Variants in PTBP3 observed in about 807,000 individuals in gnomAD.
PTBP3 encodes the protein polypyrimidine tract binding protein 3.
A neutral mutation model predicts 58.7 loss-of-function variants in PTBP3; 20 were observed. That is an observed-to-expected ratio of 0.34 (90% CI 0.24 to 0.50). PTBP3 has a LOEUF of 0.50. Ranked by LOEUF, PTBP3 falls within the 20% of genes least tolerant of loss-of-function variation. The probability of loss-of-function intolerance (pLI) is 0.98; values close to 1 mark genes in which losing one functional copy is unlikely to be tolerated. For synonymous variants in PTBP3, 185 were observed against 219.8 expected, an observed-to-expected ratio of 0.84 and a Z score of 1.40; for missense variants, 509 against 637.2, an observed-to-expected ratio of 0.80 and a Z score of 2.17.
At position 112,227,608 on chromosome 9, in the gene PTBP3, A is replaced by C. The variant is rs770444394; in HGVS notation, c.1167T>G (p.Gly389=). Residue 389 remains glycine, a synonymous_variant, in exon 12 of 14, where the codon GGT becomes GGG. Transcript: ENST00000374257. ...QAQLAMNHLS[G]QRLYGKVLRA... ...GAAGCACTTTCCCATAAAGTCTCTGACCACTTAGATGGTTCATTGCTAGTG... is the reference window on the plus strand; with the variant it reads ...GAAGCACTTTCCCATAAAGTCTCTGCCCACTTAGATGGTTCATTGCTAGTG... The C allele has an allele frequency of 6.2e-6, 10 of 1,613,760 alleles. No individual in the cohort carries two copies. The South Asian group carries it at 6.6e-5, about 11-fold the overall frequency.
Position 112,333,574 on chromosome 9 carries a change from G to A in PTBP3, c.-156C>T, listed in dbSNP as rs2132508117. ...GCAGGGCGGTTCCGGGGACAAGCGA[G>A]CTTTGGCTCTGCGGAGCCCCGGCCG... is the stretch of plus-strand genomic sequence containing the variant. On this transcript the variant is annotated 5_prime_UTR_variant, in exon 1 of 14. Transcript: ENST00000374257. 6.9e-7 allele frequency: 1 copy of A among 1,449,928 alleles called. No individual in the cohort carries two copies. The highest frequency in any genetic ancestry group is 9.5e-7 in the Non-Finnish European group (1 of 1,053,700). The allele number at this position is 1,449,928 out of a possible 1,614,324, so 89.8% of individuals were successfully genotyped here.
intron 2 of PTBP3, among the ~76,000 whole-genome samples, chr9:112,278,249 G>C (rs1486691622): frequency 6.6e-6 from 1 of 152,138 alleles, no homozygotes; most frequent in East Asian, 1.9e-4. Context: ...TACATGGATT[G>C]AGAATAACAA....
At chr9:112,261,492 GCA>G (rs1370565552) in intron 5 of PTBP3, among the ~76,000 whole-genome samples, 1 of 152,034 alleles carries the variant, frequency 6.6e-6, no homozygotes, top group East Asian at 1.9e-4. Flanking sequence ...ACATATACAA[GCA>G]CACACACACC....
rs530646188 is a variant in PTBP3 at position 112,277,117 on chromosome 9, G to A, written c.35-1104C>T. ...CTATATTTCGTATCCATCCATATCT[G>A]TGGCACAGAACTCAACTTGTTTACA... On this transcript the variant is annotated intron_variant, in intron 2 of 13. Coordinates refer to ENST00000374257, the MANE Select transcript of PTBP3 (RefSeq NM_001163788.4). Among the ~76,000 whole-genome samples, 5 of 152,158 alleles carry A rather than the reference G, an allele frequency of 3.3e-5. No homozygotes were observed. In the East Asian group the frequency reaches 9.7e-4, roughly 29 times the overall value.
rs763457466 is a variant in PTBP3 at position 112,228,451 on chromosome 9, C to T, written c.1076G>A (p.Arg359Gln). The change falls in exon 11 of 14, where the codon CGA (arginine) becomes CAA (glutamine). Residue 359 changes from arginine (R) to glutamine (Q), a missense_variant. Arg to Gln is a conservative substitution (Grantham distance 43). This residue lies in a region of PTBP3 where 135 missense variants were observed against 229.0 expected (regional missense o/e 0.59). Transcript: ENST00000374257. ...TTTCTTATTAAACATAATCTTCACTCGATGTACATCACCATAGACTCCTAA... is the reference window on the plus strand; with the variant it reads ...TTTCTTATTAAACATAATCTTCACTTGATGTACATCACCATAGACTCCTAA... ...ILFGVYGDVH[R>Q]VKIMFNKKEN... 2.5e-6 allele frequency: 4 copies of T among 1,604,830 alleles called. No individual in the cohort carries two copies. The highest frequency in any genetic ancestry group is 2.5e-6 in the Non-Finnish European group (3 of 1,176,842).
At chr9:112,262,623 AC>A in intron 4 of PTBP3, 24 bp from the exon 5 acceptor site, 1 of 1,527,544 alleles carries the variant, frequency 6.5e-7, no homozygotes. Context: ...CAAAATGAGA[AC>A]TTTTGATTAT....
At chr9:112,300,423 G>A (rs1828866205) in intron 1 of PTBP3, among the ~76,000 whole-genome samples, 1 of 152,164 alleles carries the variant, frequency 6.6e-6, no homozygotes, top group African/African-American at 2.4e-5. Context: ...AATGAACTAC[G>A]GCTCCACATA....
At chr9:112,373,231 C>G in the PTBP3 span, among the ~76,000 whole-genome samples, 1 of 152,102 alleles carries the variant, frequency 6.6e-6, no homozygotes, top group Non-Finnish European at 1.5e-5. Flanking sequence ...CACATGATCA[C>G]AAGGTCCCAC....
At chr9:112,346,541 T>G in the PTBP3 span, among the ~76,000 whole-genome samples, 113 of 152,282 alleles carry the variant, frequency 7.4e-4, no homozygotes, top group African/African-American at 2.7e-3. Flanking sequence ...TCTTCTTCAT[T>G]CCAAATACAG....
chr9:112,365,162 A>T, the PTBP3 span, among the ~76,000 whole-genome samples: 1 of 79,608 alleles, frequency 1.3e-5, no homozygotes, highest in Admixed American at 1.5e-4. Context: ...ATGTCTATCT[A>T]TCTATCTATG....
chr9:112,284,423 T>C (rs1285485795), intron 2 of PTBP3, among the ~76,000 whole-genome samples: 1 of 152,148 alleles, frequency 6.6e-6, no homozygotes, highest in East Asian at 1.9e-4. Context: ...TGGCTAGACA[T>C]GGTGGCTCAC....
chr9:112,320,313 TA>T (rs1270805883), intron 1 of PTBP3, among the ~76,000 whole-genome samples: 16 of 53,544 alleles, frequency 3.0e-4, no homozygotes, highest in Non-Finnish European at 4.1e-4. Flanking sequence ...TATATATATA[TA>T]TTTTTTTTTA....
intron 7 of PTBP3, among the ~76,000 whole-genome samples, chr9:112,235,608 AGAT>A (rs1835408587): frequency 6.6e-6 from 1 of 152,202 alleles, no homozygotes; most frequent in Admixed American, 6.5e-5. Context: ...ATCAAATTTA[AGAT>A]GATGATGAGA....
At chr9:112,297,708 A>G (rs1828749566) in intron 2 of PTBP3, 124 bp downstream of exon 2, 1 of 740,648 alleles carries the variant, frequency 1.4e-6, no homozygotes, top group South Asian at 2.3e-5. Flanking sequence ...ACTTTACCGA[A>G]ACAAATTTTA....
intron 1 of PTBP3, among the ~76,000 whole-genome samples, chr9:112,316,487 G>A (rs370170849): frequency 6.6e-6 from 1 of 152,174 alleles, no homozygotes; most frequent in Admixed American, 6.5e-5. Context: ...CTCGAACATG[G>A]ATTCTTCCCT....
chr9:112,256,888 T>C (rs1836391216), intron 5 of PTBP3, among the ~76,000 whole-genome samples: 2 of 152,008 alleles, frequency 1.3e-5, no homozygotes, highest in African/African-American at 4.8e-5. Context: ...AAAATACTTA[T>C]TTTCACCCCA....
chr9:112,379,846 GCGCCGACA>G, the PTBP3 span: 1 of 515,526 alleles, frequency 1.9e-6, no homozygotes, highest in Non-Finnish European at 3.4e-6. Flanking sequence ...CAGACGCTAG[GCGCCGACA>G]GGAGCCTGAT....
intron 2 of PTBP3, among the ~76,000 whole-genome samples, chr9:112,289,766 T>C (rs948254112): frequency 2.0e-5 from 3 of 152,194 alleles, no homozygotes; most frequent in East Asian, 1.9e-4. Flanking sequence ...TCTACACACA[T>C]ATAATACTTA....
chr9:112,260,777 A>G (rs1836561827), intron 5 of PTBP3, among the ~76,000 whole-genome samples: 1 of 152,204 alleles, frequency 6.6e-6, no homozygotes, highest in Non-Finnish European at 1.5e-5. Context: ...TTATTTCAAT[A>G]GCACTGGAAA....
Sources: allele counts gnomAD v4.1 joint callset (sites outside exome capture counted in the v4.1 genomes callset), GRCh38; gene constraint gnomAD v4.1.1; regional missense constraint gnomAD v4.1.1; transcripts MANE v1.5; gene names NCBI Gene and HGNC (gene_info 2026-07-23, HGNC 2026-07-21).